The following LMO7 variants were observed in gnomAD, a reference collection of about 807,000 sequenced individuals.
LMO7 encodes the protein LIM domain 7, also known as LIM domain only protein 7.
In LMO7, 120 loss-of-function variants were observed where a neutral mutation model predicts 206.5. The observed-to-expected ratio is 0.58, with a 90% CI of 0.50 to 0.68. The LOEUF (loss-of-function observed/expected upper bound fraction) is 0.68, where lower values mean the gene tolerates loss of function less well. Ranked by LOEUF, LMO7 falls within the 30% of genes least tolerant of loss-of-function variation. LMO7 has a pLI of 0.00. For synonymous variants in LMO7, 706 were observed against 681.5 expected (o/e 1.04, Z -0.56); for missense variants, 1,959 against 1,957.9 (o/e 1.00, Z -0.01).
chr13:75,789,668 G>A lies in LMO7; in HGVS notation c.318-5733G>A, dbSNP rs147474178. On this transcript the variant is annotated intron_variant, in intron 4 of 30. Coordinates refer to ENST00000377534, the MANE Select transcript of LMO7 (RefSeq NM_001306080.2). ...AGCTCCCTGCTGTCTGGGCCCACAC[G>A]CAGACTCCTTAGAGCATAGTATGCT... is the stretch of plus-strand genomic sequence containing the variant. Among the ~76,000 whole-genome samples, 5 of 152,244 alleles carry A rather than the reference G, an allele frequency of 3.3e-5. No homozygotes were observed. In the East Asian group the frequency reaches 9.7e-4, roughly 29 times the overall value.
intron 3 of LMO7, among the ~76,000 whole-genome samples, chr13:75,740,936 C>T (rs1029991785): frequency 3.9e-5 from 6 of 152,170 alleles, no homozygotes; most frequent in African/African-American, 1.4e-4. Context: ...TTATCATGGT[C>T]TTTAACTTTT....
intron 1 of LMO7, among the ~76,000 whole-genome samples, chr13:75,703,267 A>G (rs2042404751): frequency 6.6e-6 from 1 of 152,176 alleles, no homozygotes; most frequent in Admixed American, 6.5e-5. Flanking sequence ...ATTTGATTTA[A>G]AAGTGATGAG....
chr13:75,773,868 A>G (rs7990066), intron 4 of LMO7, among the ~76,000 whole-genome samples: 177 of 152,276 alleles, frequency 1.2e-3, no homozygotes, highest in African/African-American at 3.9e-3. Flanking sequence ...GAGGAAGTGA[A>G]GGTGGAAAGA....
chr13:75,770,688 A>G (rs1480890294), intron 4 of LMO7, among the ~76,000 whole-genome samples: 2 of 152,138 alleles, frequency 1.3e-5, no homozygotes, highest in East Asian at 3.9e-4. Context: ...CCTCCAGAGT[A>G]TCTCAGAAAT....
intron 4 of LMO7, among the ~76,000 whole-genome samples, chr13:75,783,164 A>T (rs2051815670): frequency 6.6e-6 from 1 of 152,236 alleles, no homozygotes; most frequent in African/African-American, 2.4e-5. Context: ...TACAGCATAT[A>T]CATAACCATT....
At chr13:75,795,050 C>A (rs533124840) in intron 4 of LMO7, among the ~76,000 whole-genome samples, 75 of 152,024 alleles carry the variant, frequency 4.9e-4, no homozygotes, top group African/African-American at 1.7e-3. Context: ...CTGATCCCCC[C>A]TCATTGGGTT....
At chr13:75,737,491 C>T (rs144437943) in intron 3 of LMO7, among the ~76,000 whole-genome samples, 1,609 of 149,702 alleles carry the variant, frequency 0.011, 25 homozygotes, top group East Asian at 0.062. Context: ...CGGTGGCTCA[C>T]GCCTGTAATC....
chr13:75,700,840 AACTT>A (rs2042239559), intron 1 of LMO7, among the ~76,000 whole-genome samples: 1 of 152,184 alleles, frequency 6.6e-6, no homozygotes, highest in Non-Finnish European at 1.5e-5. Flanking sequence ...CGCAATTTAA[AACTT>A]AAGAATTGTT....
At chr13:75,652,247 C>T (rs2037644116) in intron 1 of LMO7, among the ~76,000 whole-genome samples, 1 of 151,912 alleles carries the variant, frequency 6.6e-6, no homozygotes, top group South Asian at 2.1e-4. Flanking sequence ...CTGGTAGATC[C>T]TTGTCCAACT....
chr13:75,703,442 G>T (rs1427697481), intron 1 of LMO7, among the ~76,000 whole-genome samples: 2 of 152,128 alleles, frequency 1.3e-5, no homozygotes, highest in Non-Finnish European at 2.9e-5. Flanking sequence ...GATGCTCAAT[G>T]CGCTGATATA....
At chr13:75,856,381 T>G in intron 29 of LMO7, 125 bp from the exon 30 acceptor site, 1 of 611,140 alleles carries the variant, frequency 1.6e-6, no homozygotes, top group Non-Finnish European at 2.9e-6. Context: ...CCTTTTTTTT[T>G]CTTTGCTGAA....
intron 1 of LMO7, among the ~76,000 whole-genome samples, chr13:75,684,988 T>C (rs1200657202): frequency 6.6e-6 from 1 of 152,156 alleles, no homozygotes; most frequent in Admixed American, 6.5e-5. Context: ...TTCTATGGCA[T>C]TGCGATTTGT....
chr13:75,746,770 T>G (rs1254247257), intron 3 of LMO7, among the ~76,000 whole-genome samples: 1 of 152,194 alleles, frequency 6.6e-6, no homozygotes, highest in Admixed American at 6.6e-5. Flanking sequence ...CATCTTTTTT[T>G]AATTCCTGCA....
chr13:75,820,440 A>C (rs770785444), intron 13 of LMO7, among the ~76,000 whole-genome samples: 1 of 152,204 alleles, frequency 6.6e-6, no homozygotes, highest in Admixed American at 6.5e-5. Context: ...AAATTTTTGC[A>C]GGAAGAAAAT....
At position 75,841,688 on chromosome 13, in the gene LMO7, A is replaced by T. The variant is rs2059566638; in HGVS notation, c.3736A>T (p.Thr1246Ser). The T allele has an allele frequency of 6.2e-7, 1 of 1,613,990 alleles. No individual in the cohort carries two copies. Among genetic ancestry groups the T allele is most frequent in the South Asian group, 1.1e-5 (1 of 91,078 alleles). The change falls in exon 24 of 31, where the codon ACC (threonine) becomes TCC (serine). Residue 1246 changes from threonine to serine, a missense_variant. Thr to Ser is a moderately conservative substitution (Grantham distance 58). Transcript: ENST00000377534. ...GACCACACGGGAGCCCTCTCTTGCCACCTGGGAAGCTACCTGGAGTGAAGG... is the reference window on the plus strand; with the variant it reads ...GACCACACGGGAGCCCTCTCTTGCCTCCTGGGAAGCTACCTGGAGTGAAGG... ...SLTTREPSLA[T>S]WEATWSEGSK...
intron 3 of LMO7, among the ~76,000 whole-genome samples, chr13:75,739,442 G>A (rs1196073833): frequency 2.0e-5 from 3 of 152,224 alleles, no homozygotes; most frequent in African/African-American, 7.2e-5. Flanking sequence ...GCTGTAGAAA[G>A]CAGGAAATGG....
chr13:75,691,058 A>C (rs532763398), intron 1 of LMO7, among the ~76,000 whole-genome samples: 2 of 152,334 alleles, frequency 1.3e-5, no homozygotes, highest in African/African-American at 4.8e-5. Flanking sequence ...CATATTTTAC[A>C]TGCAGTTAAA....
chr13:75,779,341 TG>T (rs5804835), intron 4 of LMO7, among the ~76,000 whole-genome samples: 1 of 151,896 alleles, frequency 6.6e-6, no homozygotes, highest in African/African-American at 2.4e-5. Flanking sequence ...GAGATGGGGA[TG>T]GGGGGAGAAC....
At position 75,833,103 on chromosome 13, in the gene LMO7, T is replaced by C; in HGVS notation, c.3002T>C (p.Leu1001Pro). 6.2e-7 allele frequency: 1 copy of C among 1,612,324 alleles called. No individual in the cohort carries two copies. The highest frequency in any genetic ancestry group is 8.5e-7 in the Non-Finnish European group (1 of 1,178,506). Reference protein sequence around the residue: ...ISINQTPGKSLDFGFTIKWDI... With the variant: ...ISINQTPGKSPDFGFTIKWDI... ...ATAAACCAGACGCCTGGGAAGAGTC[T>C]TGACTTTGGGTTTACAATAAAATGG... Residue 1001 changes from leucine (L) to proline (P), a missense_variant, in exon 16 of 31, where the codon CTT (leucine) becomes CCT (proline). By Grantham distance (98) the Leu-to-Pro change is moderately conservative. Transcript: ENST00000377534.
Sources: gnomAD v4.1 joint callset for allele counts (sites outside exome capture counted in the v4.1 genomes callset) on GRCh38, gnomAD v4.1.1 for gene constraint, MANE v1.5 for transcripts, NCBI Gene and HGNC (gene_info 2026-07-23, HGNC 2026-07-21) for gene names.